The following DOCK1 variants were observed in gnomAD, a reference collection of about 807,000 sequenced individuals.
The protein encoded by DOCK1 is dedicator of cytokinesis 1, also known as dedicator of cytokinesis protein 1.
DOCK1 carries 138 observed loss-of-function variants against 262.7 expected under a neutral mutation model. The ratio of observed to expected loss-of-function variants is 0.53; its 90% confidence interval spans 0.46 to 0.61. The LOEUF is 0.61. DOCK1 is among the 20% of genes least tolerant of loss of function. The pLI, the probability that DOCK1 is intolerant of heterozygous loss-of-function variation, is 0.00. For missense variants in DOCK1, 1,908 were observed against 2,370.7 expected (o/e 0.80, Z 4.05); for synonymous variants, 866 against 867.4 (o/e 1.00, Z 0.03).
At chr10:127,276,471 G>A (rs975441619) in intron 29 of DOCK1, among the ~76,000 whole-genome samples, 11 of 152,144 alleles carry the variant, frequency 7.2e-5, no homozygotes, top group Admixed American at 2.6e-4. Context: ...CTGTTTGATT[G>A]TGGAAATTCC....
chr10:127,280,389 C>T (rs2060916370), intron 29 of DOCK1, among the ~76,000 whole-genome samples: 1 of 151,934 alleles, frequency 6.6e-6, no homozygotes. Context: ...AGTAAAATGC[C>T]CTGGTAGTGA....
intron 38 of DOCK1, among the ~76,000 whole-genome samples, chr10:127,400,659 A>C (rs1039783963): frequency 1.3e-5 from 2 of 152,232 alleles, no homozygotes; most frequent in Middle Eastern, 3.2e-3. Context: ...GAGGCCTTAA[A>C]CCGGAGAGCA....
At chr10:127,062,889 C>T (rs2045624152) in intron 23 of DOCK1, among the ~76,000 whole-genome samples, 1 of 152,172 alleles carries the variant, frequency 6.6e-6, no homozygotes, top group South Asian at 2.1e-4. Context: ...TTCTGTCCTT[C>T]TTCCCTCTTT....
intron 29 of DOCK1, among the ~76,000 whole-genome samples, chr10:127,276,615 G>A (rs1465655079): frequency 6.6e-6 from 1 of 152,138 alleles, no homozygotes; most frequent in Non-Finnish European, 1.5e-5. Context: ...GCTGTGGGAC[G>A]CTTCAGGCAG....
intron 27 of DOCK1, among the ~76,000 whole-genome samples, chr10:127,224,157 GT>G (rs1252405214): frequency 6.6e-6 from 1 of 151,818 alleles, no homozygotes; most frequent in South Asian, 2.1e-4. Flanking sequence ...TGGAAAACCA[GT>G]TTTTTTTCAA....
chr10:127,135,441 T>G (rs2050604948), intron 27 of DOCK1: 2 of 152,682 alleles, frequency 1.3e-5, no homozygotes, highest in Non-Finnish European at 2.9e-5. Context: ...ATCTTTGATT[T>G]TTTTATTTAA....
At chr10:127,385,208 A>G (rs1193185382) in intron 38 of DOCK1, among the ~76,000 whole-genome samples, 9 of 152,170 alleles carry the variant, frequency 5.9e-5, no homozygotes, top group African/African-American at 2.2e-4. Flanking sequence ...CCACAGAGCT[A>G]ATGTATTCCT....
intron 27 of DOCK1, among the ~76,000 whole-genome samples, chr10:127,232,582 T>C (rs888829148): frequency 3.3e-5 from 5 of 152,236 alleles, no homozygotes; most frequent in African/African-American, 4.8e-5. Context: ...CGTAGTAGTG[T>C]CTGAGGTTTC....
intron 23 of DOCK1, among the ~76,000 whole-genome samples, chr10:127,072,267 C>T (rs760522027): frequency 1.3e-5 from 2 of 152,192 alleles, no homozygotes; most frequent in Non-Finnish European, 2.9e-5. Context: ...ATCATATGTT[C>T]ATTCTCCTGT....
chr10:127,421,341 A>G (rs1456538016), intron 46 of DOCK1, among the ~76,000 whole-genome samples: 1 of 152,172 alleles, frequency 6.6e-6, no homozygotes, highest in Admixed American at 6.5e-5. Flanking sequence ...GAGCCAAGGT[A>G]CGAGTCCTCT....
intron 27 of DOCK1, among the ~76,000 whole-genome samples, chr10:127,227,687 T>C (rs543818882): frequency 5.9e-5 from 9 of 152,344 alleles, no homozygotes; most frequent in Admixed American, 5.9e-4. Context: ...GCATAGTTAG[T>C]GGGGAAGCCA....
chr10:127,152,449 C>T (rs1007130215), intron 27 of DOCK1, among the ~76,000 whole-genome samples: 1 of 152,224 alleles, frequency 6.6e-6, no homozygotes, highest in South Asian at 2.1e-4. Context: ...CTTGGCGTGC[C>T]ATGCCAGGCT....
At chr10:126,919,543 G>A (rs1420951306) in intron 1 of DOCK1, among the ~76,000 whole-genome samples, 1 of 152,186 alleles carries the variant, frequency 6.6e-6, no homozygotes, top group Non-Finnish European at 1.5e-5. Flanking sequence ...GAGGCCAAGG[G>A]GAAGGGGAGG....
At position 127,409,327 on chromosome 10, in the gene DOCK1, A is replaced by C; in HGVS notation, c.4279A>C (p.Thr1427Pro). 6.2e-7 allele frequency: 1 copy of C among 1,613,916 alleles called. No individual in the cohort carries two copies. Among genetic ancestry groups the C allele is most frequent in the Non-Finnish European group, 8.5e-7 (1 of 1,179,860 alleles). The change falls in exon 42 of 52, where the codon ACA becomes CCA. Residue 1427 changes from threonine to proline, a missense_variant. Transcript: ENST00000623213. ...CCTCACCTCAGATATTCAGTGCTTC[A>C]CAGTGAAGCCCAAACTCGATCTGCC... is the stretch of plus-strand genomic sequence containing the variant. ...NSPGQYIQCF[T>P]VKPKLDLPPK...
intron 27 of DOCK1, among the ~76,000 whole-genome samples, chr10:127,221,967 C>A (rs1459321435): frequency 6.6e-6 from 1 of 152,202 alleles, no homozygotes; most frequent in East Asian, 1.9e-4. Context: ...GAGACATTAG[C>A]CTCACTCAAA....
At chr10:127,005,158 G>A (rs1449308907) in intron 10 of DOCK1, among the ~76,000 whole-genome samples, 2 of 152,022 alleles carry the variant, frequency 1.3e-5, no homozygotes, top group Admixed American at 6.6e-5. Flanking sequence ...GCAATATGGT[G>A]AAACCCCATC....
intron 27 of DOCK1, among the ~76,000 whole-genome samples, chr10:127,213,399 A>T (rs2058066725): frequency 6.6e-6 from 1 of 152,226 alleles, no homozygotes; most frequent in African/African-American, 2.4e-5. Flanking sequence ...TTTATTCTTC[A>T]TAAAGTACTT....
At chr10:127,067,469 A>G (rs1357423954) in intron 23 of DOCK1, among the ~76,000 whole-genome samples, 1 of 152,098 alleles carries the variant, frequency 6.6e-6, no homozygotes, top group Non-Finnish European at 1.5e-5. Context: ...CCACAGTAGG[A>G]AATTGATGCT....
At position 126,963,661 on chromosome 10, in the gene DOCK1, TCCTTCCTTCCTC is replaced by T. The variant is rs2037449110; in HGVS notation, c.47-7037_47-7026del. Among the ~76,000 whole-genome samples, 26 of 119,572 alleles carry T rather than the reference TCCTTCCTTCCTC, an allele frequency of 2.2e-4. 2 individuals are homozygous for T. The highest frequency in any genetic ancestry group is 7.7e-4 in the African/African-American group (26 of 33,818). The allele number at this position is 119,572 out of a possible 152,430, so 78.4% of individuals were successfully genotyped here. On this transcript the variant is annotated intron_variant, in intron 1 of 51. Transcript: ENST00000623213. ...TTCCCTCCTTCCTTCCTTCCTTCCT[TCCTTCCTTCCTC>T]CCTCCCTTCCTCCCTTCCTTCCTTC...
Sources: gnomAD v4.1 joint callset for allele counts (sites outside exome capture counted in the v4.1 genomes callset) on GRCh38, gnomAD v4.1.1 for gene constraint, MANE v1.5 for transcripts, NCBI Gene and HGNC (gene_info 2026-07-23, HGNC 2026-07-21) for gene names.